The following IGF2R variants were observed in gnomAD, a reference collection of about 807,000 sequenced individuals.
The protein encoded by IGF2R is insulin like growth factor 2 receptor, also known as cation-independent mannose-6-phosphate receptor.
Under a neutral mutation model 270.6 loss-of-function variants are expected in IGF2R, and 91 were observed. The ratio of observed to expected loss-of-function variants is 0.34; its 90% CI spans 0.28 to 0.40. IGF2R has a LOEUF of 0.40. IGF2R is among the 10% of genes least tolerant of loss of function. The pLI, the probability that IGF2R is intolerant of heterozygous loss-of-function variation, is 1.00. For missense variants in IGF2R, 2,805 were observed against 3,188.3 expected, an observed-to-expected ratio of 0.88 and a Z score of 2.90; for synonymous variants, 1,316 against 1,258.9, an observed-to-expected ratio of 1.05 and a Z score of -0.96.
chr6:160,081,906 G>A (rs2115284699), intron 39 of IGF2R, among the ~76,000 whole-genome samples: 1 of 152,228 alleles, frequency 6.6e-6, no homozygotes, highest in African/African-American at 2.4e-5. Context: ...ATTTCATATT[G>A]TTCAAACACA....
At chr6:159,997,579 C>A (rs1001516225) in intron 2 of IGF2R, among the ~76,000 whole-genome samples, 2 of 152,204 alleles carry the variant, frequency 1.3e-5, no homozygotes. Context: ...GGGGCAGCAA[C>A]AGCATTCCCG....
Position 160,018,250 on chromosome 6 carries a change from T to TA in IGF2R, c.514-6313dup, listed in dbSNP as rs913379702. 9.0e-3 allele frequency among the ~76,000 whole-genome samples: 1,338 copies of TA among 148,646 alleles called. 14 individuals are homozygous for TA. The highest frequency in any genetic ancestry group is 0.031 in the African/African-American group (1,266 of 40,508). On this transcript the variant is annotated intron_variant, in intron 4 of 47. Coordinates refer to ENST00000356956, the MANE Select transcript of IGF2R (RefSeq NM_000876.4). ...AAAACTGACTTTAAATCAACAACAG[T>TA]AAAAAAAAAGGAAAAAGATGGTCAT... is the stretch of plus-strand genomic sequence containing the variant.
At chr6:160,000,784 G>A (rs1043598506) in intron 2 of IGF2R, among the ~76,000 whole-genome samples, 3 of 131,918 alleles carry the variant, frequency 2.3e-5, no homozygotes, top group East Asian at 5.4e-4. Context: ...TGCCCAGGCC[G>A]GAGTGCAGTG....
chr6:160,040,839 C>G (rs1777930036), intron 11 of IGF2R, 115 bp downstream of exon 11: 7 of 1,025,822 alleles, frequency 6.8e-6, no homozygotes, highest in Non-Finnish European at 1.0e-5. Flanking sequence ...CGTCACAGCC[C>G]TCCCCCAGTT....
chr6:160,093,246 CT>C (rs1779270672), intron 44 of IGF2R: 1 of 163,410 alleles, frequency 6.1e-6, no homozygotes, highest in Non-Finnish European at 1.3e-5. Flanking sequence ...TCCCGGGGCT[CT>C]GACATGGGCA....
chr6:160,104,615 T>TG lies in IGF2R; in HGVS notation c.7066-57dup. 8 of 1,543,268 alleles carry TG rather than the reference T, an allele frequency of 5.2e-6. No homozygotes were observed. In the South Asian group the frequency reaches 9.9e-5, roughly 19 times the overall value. On this transcript the variant is annotated intron_variant, in intron 47 of 47. Transcript: ENST00000356956. The stretch of plus-strand genomic sequence containing the variant: ...AGAGCATCCCTGATGTGGTGGATGG[T>TG]GGAGCAGAATGGGGTCTCTTAGGGG...
In IGF2R at chr6:160,047,835, A is replaced by G. The variant is rs1185482261; in HGVS notation, c.2273A>G (p.Tyr758Cys). ...STYNFRWYTS[Y>C]ACPEEPLECV... is the part of the protein sequence containing the mutation. ...TACAACTTCCGGTGGTACACCAGCTATGCCTGCCCGGAGGAGCCCCTGGAA... is the reference window on the plus strand; with the variant it reads ...TACAACTTCCGGTGGTACACCAGCTGTGCCTGCCCGGAGGAGCCCCTGGAA... The change falls in exon 17 of 48, where the codon TAT (tyrosine) becomes TGT (cysteine). Residue 758 changes from tyrosine to cysteine, a missense_variant. This residue lies in a region of IGF2R where 954 missense variants were observed against 981.1 expected (regional missense o/e 0.97). Transcript: ENST00000356956. The G allele has an allele frequency of 3.7e-6, 6 of 1,614,054 alleles. No individual in the cohort carries two copies. The highest frequency in any genetic ancestry group is 2.2e-5 in the South Asian group (2 of 91,094).
At chr6:160,068,703 C>T (rs544507660) in intron 30 of IGF2R, among the ~76,000 whole-genome samples, 19 of 151,982 alleles carry the variant, frequency 1.3e-4, no homozygotes, top group African/African-American at 4.1e-4. Context: ...AGGGCCTCCT[C>T]GTGGGATGGT....
chr6:160,050,791 C>A lies in IGF2R; in HGVS notation c.2694+139C>A. The A allele has an allele frequency of 1.5e-6, 1 of 688,146 alleles. No homozygotes were observed. The highest frequency in any genetic ancestry group is 2.4e-6 in the Non-Finnish European group (1 of 420,954). The allele number at this position is 688,146 out of a possible 1,614,324, so 42.6% of individuals were successfully genotyped here. A position where few individuals can be genotyped will look rare whatever the true frequency, so the allele number is the denominator to read the frequency against. On this transcript the variant is annotated intron_variant, in intron 19 of 47. Transcript: ENST00000356956. This position sits in a 1 kb window ranked among gnomAD's most constrained non-coding sequence, Gnocchi z 4.0. ...CTTAGTTCTGCTTAAGGTCAGTGTG[C>A]GGTATATATGTTCACAGGCAGGGAG...
chr6:160,063,607 C>T lies in IGF2R; in HGVS notation c.3863C>T (p.Pro1288Leu), dbSNP rs751227852. Reference sequence around the variant, plus strand: ...TCCTCATGTCAGGAAAAGCGGGAACCGCAGGGATTTCACAAAGTGGCAGGT... The same window carrying T: ...TCCTCATGTCAGGAAAAGCGGGAACTGCAGGGATTTCACAAAGTGGCAGGT... ...VVSSCQEKREPQGFHKVAGLL... is the reference protein window; with the variant it reads ...VVSSCQEKRELQGFHKVAGLL... Residue 1288 changes from proline to leucine, a missense_variant, in exon 27 of 48, where the codon CCG (proline) becomes CTG (leucine). Physicochemically the swap from Pro to Leu is moderately conservative, Grantham distance 98. Coordinates refer to ENST00000356956, the MANE Select transcript of IGF2R (RefSeq NM_000876.4). The T allele has an allele frequency of 1.7e-5, 27 of 1,613,952 alleles. No homozygotes were observed. The highest frequency in any genetic ancestry group is 1.6e-4 in the Middle Eastern group (1 of 6,080).
chr6:160,080,058 T>C, intron 38 of IGF2R, 71 bp from the exon 39 acceptor site: 1 of 1,555,390 alleles, frequency 6.4e-7, no homozygotes, highest in Admixed American at 1.7e-5. Context: ...TAGGGACTGC[T>C]GCTGCATTCT....
intron 47 of IGF2R, among the ~76,000 whole-genome samples, chr6:160,104,110 T>C (rs1779557284): frequency 6.6e-6 from 1 of 151,774 alleles, no homozygotes; most frequent in Admixed American, 6.6e-5. Flanking sequence ...ACACACACAG[T>C]AGTGAAGATA....
At chr6:160,094,995 C>G (rs1363556911) in intron 44 of IGF2R, 1 of 151,784 alleles carries the variant, frequency 6.6e-6, no homozygotes, top group Non-Finnish European at 1.5e-5. Context: ...ATCCTCTGCA[C>G]TCTTCTCTGT....
intron 19 of IGF2R, among the ~76,000 whole-genome samples, chr6:160,055,241 G>T (rs1279017353): frequency 6.6e-6 from 1 of 152,184 alleles, no homozygotes; most frequent in African/African-American, 2.4e-5. Flanking sequence ...GCACATCTGT[G>T]CATTCCCTGC....
At chr6:160,030,618 T>C (rs1231362029) in intron 7 of IGF2R, among the ~76,000 whole-genome samples, 6 of 151,814 alleles carry the variant, frequency 4.0e-5, no homozygotes, top group African/African-American at 1.2e-4. Context: ...TTGAAATCTT[T>C]TAAGCCCAGT....
chr6:160,010,827 C>G (rs770680241), intron 4 of IGF2R, 42 bp downstream of exon 4: 1 of 1,156,398 alleles, frequency 8.6e-7, no homozygotes, highest in Non-Finnish European at 1.3e-6. Context: ...GAAGTATACT[C>G]TGGGGAACTT....
Position 160,085,080 on chromosome 6 carries a change from G to A in IGF2R, c.6154G>A (p.Gly2052Ser), listed in dbSNP as rs757407683. 1.7e-5 allele frequency: 28 copies of A among 1,613,944 alleles called. No individual in the cohort carries two copies. Among genetic ancestry groups the A allele is most frequent in the Non-Finnish European group, 2.2e-5 (26 of 1,179,996 alleles). The change falls in exon 41 of 48, where the codon GGT becomes AGT. Residue 2052 changes from glycine (G) to serine (S), a missense_variant. Coordinates refer to ENST00000356956, the MANE Select transcript of IGF2R (RefSeq NM_000876.4). Reference sequence around the variant, plus strand: ...CAGCATTTGCAGAAGGACCACAACTGGTGACGTCCAGGTCCTGGGACTCGT... The same window carrying A: ...CAGCATTTGCAGAAGGACCACAACTAGTGACGTCCAGGTCCTGGGACTCGT... ...RASICRRTTT[G>S]DVQVLGLVHT...
rs919412443 is a variant in IGF2R, at chr6:160,022,057, C to G, written c.514-2515C>G. Among the ~76,000 whole-genome samples, 14 of 150,966 alleles carry G rather than the reference C, an allele frequency of 9.3e-5. 1 individual carries two copies. Among genetic ancestry groups the G allele is most frequent in the Admixed American group, 5.9e-4 (9 of 15,188 alleles). ...ACACACACACGTCTATCATGGAATA[C>G]CACTCAGCCGTAAGGCAGAATGAAA... On this transcript the variant is annotated intron_variant, in intron 4 of 47. Coordinates refer to ENST00000356956, the MANE Select transcript of IGF2R (RefSeq NM_000876.4).
chr6:160,092,486 A>C (rs1322275315), intron 44 of IGF2R, among the ~76,000 whole-genome samples: 1 of 152,266 alleles, frequency 6.6e-6, no homozygotes, highest in Non-Finnish European at 1.5e-5. Flanking sequence ...TTCTTGGTAA[A>C]TAAAATCCCT....
Sources: gnomAD v4.1 joint callset for allele counts (sites outside exome capture counted in the v4.1 genomes callset) on GRCh38, gnomAD v4.1.1 for gene constraint, gnomAD v4.1.1 regional missense constraint, Gnocchi (gnomAD v3.1) non-coding constraint, MANE v1.5 for transcripts, NCBI Gene and HGNC (gene_info 2026-07-23, HGNC 2026-07-21) for gene names.